Variants in DNAJB5 observed in about 807,000 individuals in gnomAD.
DNAJB5 encodes dnaJ homolog subfamily B member 5.
Under a neutral mutation model 32.6 loss-of-function variants are expected in DNAJB5, and 12 were observed. The ratio of observed to expected loss-of-function variants is 0.37; its 90% CI spans 0.24 to 0.60. The LOEUF (loss-of-function observed/expected upper bound fraction) is 0.60. Ranked by LOEUF, DNAJB5 falls within the 20% of genes least tolerant of loss-of-function variation. The probability of loss-of-function intolerance (pLI) is 0.71; values close to 1 mark genes in which losing one functional copy is unlikely to be tolerated. For synonymous variants in DNAJB5, 188 were observed against 212.9 expected, an observed-to-expected ratio of 0.88 and a Z score of 1.02; for missense variants, 358 against 554.2, an observed-to-expected ratio of 0.65 and a Z score of 3.55.
Position 34,992,936 on chromosome 9 carries a change from G to T in DNAJB5, c.183-264G>T, listed in dbSNP as rs532666907. On this transcript the variant is annotated intron_variant, in intron 2 of 4. Transcript: ENST00000682809. ...GCCCAAGGACCAGGGCCTCAGCCTA[G>T]CCCCAAGAGTGGGCCACAACCTTCA... The T allele has an allele frequency of 7.0e-5, 93 of 1,320,028 alleles. No homozygotes were observed. In the African/African-American group the frequency reaches 1.1e-3, roughly 16 times the overall value. 81.8% of individuals were successfully genotyped at this position (1,320,028 alleles called of 1,614,324 possible). A position where few individuals can be genotyped will look rare whatever the true frequency, so the allele number is the denominator to read the frequency against.
At position 34,996,301 on chromosome 9, in the gene DNAJB5, G is replaced by A; in HGVS notation, c.464G>A (p.Ser155Asn). 6.2e-7 allele frequency: 1 copy of A among 1,614,130 alleles called. No homozygotes were observed. The highest frequency in any genetic ancestry group is 8.5e-7 in the Non-Finnish European group (1 of 1,180,006). ...KTGGGTSGGS[S>N]GSFHYTFHGD... ...GGCGGTGGCACATCAGGTGGCTCCAGTGGCTCCTTTCACTACACCTTTCAT... is the reference window on the plus strand; with the variant it reads ...GGCGGTGGCACATCAGGTGGCTCCAATGGCTCCTTTCACTACACCTTTCAT... The change falls in exon 4 of 5, where the codon AGT becomes AAT. Residue 155 changes from serine (S) to asparagine (N), a missense_variant. By Grantham distance (46) the Ser-to-Asn change is conservative. Around this residue, in one of 2 missense-constraint regions of DNAJB5, gnomAD observed 248 missense variants for 442.6 expected, o/e 0.56. Transcript: ENST00000682809. The surrounding 1 kb of genome is among the most constrained non-coding windows in gnomAD (Gnocchi z 7.2).
chr9:34,994,949 G>A (rs1310625453), intron 3 of DNAJB5, among the ~76,000 whole-genome samples: 3 of 152,322 alleles, frequency 2.0e-5, no homozygotes, highest in South Asian at 4.1e-4. Context: ...AGCTTGAAAA[G>A]GGGGTGGTAG....
Position 34,996,548 on chromosome 9 carries a change from G to A in DNAJB5, c.711G>A (p.Lys237=). ...RAPEPLYPRR[K]VQDPPVVHEL... is the part of the protein sequence containing the mutation. ...CAGAACCACTGTACCCTCGGCGCAA[G>A]GTGCAGGACCCCCCAGTGGTGCACG... The change falls in exon 4 of 5, where the codon AAG becomes AAA. Residue 237 remains lysine, a synonymous_variant. Transcript: ENST00000682809. The surrounding 1 kb of genome is among the most constrained non-coding windows in gnomAD (Gnocchi z 7.2). 2 of 1,614,158 alleles carry A rather than the reference G, an allele frequency of 1.2e-6. No individual in the cohort carries two copies. The highest frequency in any genetic ancestry group is 1.7e-6 in the Non-Finnish European group (2 of 1,180,034).
In DNAJB5 at chr9:34,992,729, C is replaced by T. The variant is rs1014968209; in HGVS notation, c.183-471C>T. 10 of 969,034 alleles carry T rather than the reference C, an allele frequency of 1.0e-5. No homozygotes were observed. In the South Asian group the frequency reaches 3.9e-4, roughly 38 times the overall value. 60.0% of individuals were successfully genotyped at this position (969,034 alleles called of 1,614,324 possible). A position where few individuals can be genotyped will look rare whatever the true frequency, so the allele number is the denominator to read the frequency against. ...CTGGCGGAAGACCCAGGCCTGTTCC[C>T]GGTCCTGGGCCACTGCCCCAGCTGC... is the stretch of plus-strand genomic sequence containing the variant. On this transcript the variant is annotated intron_variant, in intron 2 of 4. Coordinates refer to ENST00000682809, the MANE Select transcript of DNAJB5 (RefSeq NM_001349723.3).
intron 2 of DNAJB5, chr9:34,991,624 C>T (rs1201832796): frequency 9.2e-6 from 2 of 216,990 alleles, no homozygotes; most frequent in South Asian, 6.9e-5. Flanking sequence ...CACCCCCCCC[C>T]GCTCCCTCTC....
At chr9:34,992,786 CGTA>C in intron 2 of DNAJB5, 4 of 1,018,520 alleles carry the variant, frequency 3.9e-6, no homozygotes, top group Non-Finnish European at 3.5e-6. Flanking sequence ...TGAGGCGTGG[CGTA>C]GGAGACCACG....
Position 34,990,312 on chromosome 9 carries a change from C to T in DNAJB5, c.-132-187C>T, listed in dbSNP as rs962070448. On this transcript the variant is annotated intron_variant, in intron 1 of 4. Coordinates refer to ENST00000682809, the MANE Select transcript of DNAJB5 (RefSeq NM_001349723.3). This position sits in a 1 kb window ranked among gnomAD's most constrained non-coding sequence, Gnocchi z 4.5. ...CCCAGTGAGAGGCGACAGGAGCTCA[C>T]TGCCTCTCGGGCCCTCACAATCACA... 7.6e-6 allele frequency: 11 copies of T among 1,439,458 alleles called. No homozygotes were observed. The highest frequency in any genetic ancestry group is 1.0e-5 in the Non-Finnish European group (11 of 1,086,610). The allele number at this position is 1,439,458 out of a possible 1,614,324, so 89.2% of individuals were successfully genotyped here.
rs986929643 is a variant in DNAJB5, at chr9:34,993,944, G to A, written c.427+500G>A. On this transcript the variant is annotated intron_variant, in intron 3 of 4. Transcript: ENST00000682809. This position sits in a 1 kb window ranked among gnomAD's most constrained non-coding sequence, Gnocchi z 4.7. ...GCTTCTGGCCAGCAGAACAGAGGTGGAGCTTTGCCTCCCAGAGGAAGTGGC... is the reference window on the plus strand; with the variant it reads ...GCTTCTGGCCAGCAGAACAGAGGTGAAGCTTTGCCTCCCAGAGGAAGTGGC... Among the ~76,000 whole-genome samples the A allele has an allele frequency of 1.3e-5, 2 of 152,182 alleles. No homozygotes were observed. The highest frequency in any genetic ancestry group is 2.9e-5 in the Non-Finnish European group (2 of 68,020).
rs566123603 is a variant in DNAJB5 at position 34,990,976 on chromosome 9, C to A, written c.182+164C>A. The A allele has an allele frequency of 8.9e-6, 6 of 670,926 alleles. No homozygotes were observed. In the African/African-American group the frequency reaches 9.1e-5, roughly 10 times the overall value. 41.6% of individuals were successfully genotyped at this position (670,926 alleles called of 1,614,324 possible). On this transcript the variant is annotated intron_variant, in intron 2 of 4. Coordinates refer to ENST00000682809, the MANE Select transcript of DNAJB5 (RefSeq NM_001349723.3). The surrounding 1 kb of genome is among the most constrained non-coding windows in gnomAD (Gnocchi z 4.5). Reference sequence around the variant, plus strand: ...CCCACATATTTGAATGAATTGCACCCCTTATCATTCCTTTTCTCAAACCCT... The same window carrying A: ...CCCACATATTTGAATGAATTGCACCACTTATCATTCCTTTTCTCAAACCCT...
In DNAJB5 at chr9:34,990,992, C is replaced by A; in HGVS notation, c.182+180C>A. 3.1e-6 allele frequency: 2 copies of A among 641,334 alleles called. No individual in the cohort carries two copies. The highest frequency in any genetic ancestry group is 5.3e-6 in the Non-Finnish European group (2 of 375,832). The allele number at this position is 641,334 out of a possible 1,614,324, so 39.7% of individuals were successfully genotyped here. A position where few individuals can be genotyped will look rare whatever the true frequency, so the allele number is the denominator to read the frequency against. On this transcript the variant is annotated intron_variant, in intron 2 of 4. Transcript: ENST00000682809. The surrounding 1 kb of genome is among the most constrained non-coding windows in gnomAD (Gnocchi z 4.5). ...AATTGCACCCCTTATCATTCCTTTT[C>A]TCAAACCCTTCAGGTATCCATTTTC...
At chr9:34,994,980 TAGAG>T (rs1195077980) in intron 3 of DNAJB5, among the ~76,000 whole-genome samples, 5 of 152,134 alleles carry the variant, frequency 3.3e-5, no homozygotes, top group African/African-American at 9.7e-5. Context: ...GAAATCCCTA[TAGAG>T]AGAATTACCC....
chr9:34,991,280 A>T, intron 2 of DNAJB5: 1 of 456,666 alleles, frequency 2.2e-6, no homozygotes, highest in Non-Finnish European at 4.4e-6. Context: ...CTCCTTTGTC[A>T]TTCCAACACG....
In DNAJB5 at chr9:34,990,183, T is replaced by C; in HGVS notation, c.-132-316T>C. ...CCTCCCCTCCTCTCCTCGCCGCGCC[T>C]TTTGTCCCGGCCGAGCTCCGCTCTG... is the stretch of plus-strand genomic sequence containing the variant. On this transcript the variant is annotated intron_variant, in intron 1 of 4. Coordinates refer to ENST00000682809, the MANE Select transcript of DNAJB5 (RefSeq NM_001349723.3). This position sits in a 1 kb window ranked among gnomAD's most constrained non-coding sequence, Gnocchi z 4.5. The C allele has an allele frequency of 2.1e-6, 2 of 941,548 alleles. No homozygotes were observed. The highest frequency in any genetic ancestry group is 2.8e-6 in the Non-Finnish European group (2 of 703,942). 58.3% of individuals were successfully genotyped at this position (941,548 alleles called of 1,614,324 possible). A position where few individuals can be genotyped will look rare whatever the true frequency, so the allele number is the denominator to read the frequency against.
At position 34,993,241 on chromosome 9, in the gene DNAJB5, A is replaced by G. The variant is rs1272825498; in HGVS notation, c.224A>G (p.Lys75Arg). Residue 75 changes from lysine (K) to arginine (R), a missense_variant, in exon 3 of 5, where the codon AAA (lysine) becomes AGA (arginine). Lys to Arg is a conservative substitution (Grantham distance 26). This residue lies in a region of DNAJB5 where 110 missense variants were observed against 111.7 expected (regional missense o/e 0.99). Coordinates refer to ENST00000682809, the MANE Select transcript of DNAJB5 (RefSeq NM_001349723.3). This position sits in a 1 kb window ranked among gnomAD's most constrained non-coding sequence, Gnocchi z 4.7. ...TSAGPVAVMGKDYYKILGIPS... is the reference protein window; with the variant it reads ...TSAGPVAVMGRDYYKILGIPS... ...GCTGGTCCAGTGGCTGTGATGGGAA[A>G]AGATTATTACAAGATTCTTGGGATC... is the stretch of plus-strand genomic sequence containing the variant. The G allele has an allele frequency of 6.8e-6, 11 of 1,613,930 alleles. No individual in the cohort carries two copies. Among genetic ancestry groups the G allele is most frequent in the Non-Finnish European group, 9.3e-6 (11 of 1,179,970 alleles).
chr9:34,996,327 G>A lies in DNAJB5; in HGVS notation c.490G>A (p.Gly164Arg). 1 of 1,614,082 alleles carries A rather than the reference G, an allele frequency of 6.2e-7. No individual in the cohort carries two copies. Among genetic ancestry groups the A allele is most frequent in the African/African-American group, 1.3e-5 (1 of 75,026 alleles). ...SSGSFHYTFH[G>R]DPHATFASFF... Reference sequence around the variant, plus strand: ...TGGCTCCTTTCACTACACCTTTCATGGGGACCCCCATGCCACCTTTGCCTC... The same window carrying A: ...TGGCTCCTTTCACTACACCTTTCATAGGGACCCCCATGCCACCTTTGCCTC... The change falls in exon 4 of 5, where the codon GGG (glycine) becomes AGG (arginine). Residue 164 changes from glycine (G) to arginine (R), a missense_variant. This residue lies in a region of DNAJB5 where 248 missense variants were observed against 442.6 expected (regional missense o/e 0.56). Coordinates refer to ENST00000682809, the MANE Select transcript of DNAJB5 (RefSeq NM_001349723.3). This position sits in a 1 kb window ranked among gnomAD's most constrained non-coding sequence, Gnocchi z 7.2.
Position 34,996,407 on chromosome 9 carries a change from T to G in DNAJB5, c.570T>G (p.Thr190=). ...TCTTCTTTGCCAGCAGCCGCTCCAC[T>G]CGGCCCTTCAGTGGCTTTGACCCAG... The part of the protein sequence containing the change: ...FDIFFASSRS[T]RPFSGFDPDD... Residue 190 remains threonine (T), a synonymous_variant, in exon 4 of 5, where the codon ACT becomes ACG. Transcript: ENST00000682809. The surrounding 1 kb of genome is among the most constrained non-coding windows in gnomAD (Gnocchi z 7.2). 6.2e-7 allele frequency: 1 copy of G among 1,614,124 alleles called. No homozygotes were observed. The highest frequency in any genetic ancestry group is 8.5e-7 in the Non-Finnish European group (1 of 1,180,020).
chr9:34,993,121 T>C lies in DNAJB5; in HGVS notation c.183-79T>C. On this transcript the variant is annotated intron_variant, in intron 2 of 4. Coordinates refer to ENST00000682809, the MANE Select transcript of DNAJB5 (RefSeq NM_001349723.3). The surrounding 1 kb of genome is among the most constrained non-coding windows in gnomAD (Gnocchi z 4.7). ...CTGCTGAAGGTTACCCAGGGAGTCA[T>C]TTAGGGATTGCAAGATCATCAGGAA... 6.7e-7 allele frequency: 1 copy of C among 1,502,706 alleles called. No homozygotes were observed. Among genetic ancestry groups the C allele is most frequent in the Non-Finnish European group, 8.9e-7 (1 of 1,129,182 alleles). The allele number at this position is 1,502,706 out of a possible 1,614,324, so 93.1% of individuals were successfully genotyped here.
chr9:34,997,205 C>G lies in DNAJB5; in HGVS notation c.1209C>G (p.Asp403Glu). 2 of 1,614,172 alleles carry G rather than the reference C, an allele frequency of 1.2e-6. No individual in the cohort carries two copies. The highest frequency in any genetic ancestry group is 2.2e-5 in the East Asian group (1 of 44,872). The change falls in exon 5 of 5, where the codon GAC becomes GAG. Residue 403 changes from aspartate (D) to glutamate (E), a missense_variant. By Grantham distance (45) the Asp-to-Glu change is conservative. Coordinates refer to ENST00000682809, the MANE Select transcript of DNAJB5 (RefSeq NM_001349723.3). This position sits in a 1 kb window ranked among gnomAD's most constrained non-coding sequence, Gnocchi z 4.1. The part of the protein sequence containing the change: ...LIVEFKVRFP[D>E]RLTPQTRQIL... ...TTGAGTTCAAAGTTCGCTTCCCAGA[C>G]AGATTAACACCACAGACAAGACAGA... is the stretch of plus-strand genomic sequence containing the variant.
chr9:34,996,961 C>T lies in DNAJB5; in HGVS notation c.1030-65C>T. On this transcript the variant is annotated intron_variant, in intron 4 of 4. Transcript: ENST00000682809. The surrounding 1 kb of genome is among the most constrained non-coding windows in gnomAD (Gnocchi z 7.2). ...TGGCACATTCTTTCCCCACCTCAGTCTATTTCCTTCCTTCCCACTCACCTT... is the reference window on the plus strand; with the variant it reads ...TGGCACATTCTTTCCCCACCTCAGTTTATTTCCTTCCTTCCCACTCACCTT... The T allele has an allele frequency of 3.8e-6, 6 of 1,597,664 alleles. No individual in the cohort carries two copies. Among genetic ancestry groups the T allele is most frequent in the Non-Finnish European group, 5.1e-6 (6 of 1,174,578 alleles).
Sources: allele counts gnomAD v4.1 joint callset (sites outside exome capture counted in the v4.1 genomes callset), GRCh38; gene constraint gnomAD v4.1.1; regional missense constraint gnomAD v4.1.1; non-coding constraint Gnocchi (gnomAD v3.1); transcripts MANE v1.5; gene names NCBI Gene and HGNC (gene_info 2026-07-23, HGNC 2026-07-21).